The following TBC1D5 variants were observed in gnomAD, a reference collection of about 807,000 sequenced individuals.
The protein encoded by TBC1D5 is TBC1 domain family, member 5.
Under a neutral mutation model 100.3 loss-of-function variants are expected in TBC1D5, and 75 were observed. The observed-to-expected ratio is 0.75, with a 90% confidence interval of 0.62 to 0.91. The LOEUF is 0.91. Among genes scored for constraint, TBC1D5 ranks in the 40% least tolerant of loss-of-function variants. The probability of loss-of-function intolerance (pLI) is 0.00; values close to 1 mark genes in which losing one functional copy is unlikely to be tolerated. For synonymous variants in TBC1D5, 323 were observed against 325.6 expected (o/e 0.99, Z 0.09); for missense variants, 910 against 942.4 (o/e 0.97, Z 0.45).
At chr3:17,560,699 G>T (rs1320975145) in intron 2 of TBC1D5, among the ~76,000 whole-genome samples, 1 of 151,674 alleles carries the variant, frequency 6.6e-6, no homozygotes, top group East Asian at 1.9e-4. Context: ...GAGGCAGGTG[G>T]ATCATGAGGT....
intron 2 of TBC1D5, among the ~76,000 whole-genome samples, chr3:17,588,876 T>G (rs969999717): frequency 6.6e-6 from 1 of 152,226 alleles, no homozygotes; most frequent in Admixed American, 6.5e-5. Flanking sequence ...TAAACCTTCT[T>G]GATTTCTTTC....
At chr3:17,343,002 T>C (rs1206358202) in intron 13 of TBC1D5, among the ~76,000 whole-genome samples, 3 of 152,238 alleles carry the variant, frequency 2.0e-5, no homozygotes, top group East Asian at 1.9e-4. Flanking sequence ...TCCAACACTA[T>C]GTTGAATAGG....
chr3:17,160,675 G>A (rs966966373), exon 22 of TBC1D5: 1 of 371,262 alleles, frequency 2.7e-6, no homozygotes, highest in African/African-American at 2.0e-5. Flanking sequence ...TTTTCTAACT[G>A]TGAGTGTGAT....
At chr3:17,544,145 G>C (rs755744768) in intron 2 of TBC1D5, among the ~76,000 whole-genome samples, 1 of 152,128 alleles carries the variant, frequency 6.6e-6, no homozygotes, top group Non-Finnish European at 1.5e-5. Context: ...TCGGATTACA[G>C]ATGTGGGCCA....
chr3:17,606,800 C>G (rs1036414557), intron 2 of TBC1D5, among the ~76,000 whole-genome samples: 1 of 151,932 alleles, frequency 6.6e-6, no homozygotes, highest in Non-Finnish European at 1.5e-5. Context: ...ACAACAACAA[C>G]AACAAATAAC....
chr3:17,361,820 C>G (rs1167832602), intron 13 of TBC1D5, among the ~76,000 whole-genome samples: 1 of 151,954 alleles, frequency 6.6e-6, no homozygotes, highest in African/African-American at 2.4e-5. Flanking sequence ...TGACCTCCTA[C>G]CTTCAACAAC....
chr3:17,164,252 G>A (rs2066373149), intron 21 of TBC1D5, among the ~76,000 whole-genome samples: 1 of 152,202 alleles, frequency 6.6e-6, no homozygotes, highest in African/African-American at 2.4e-5. Flanking sequence ...TTTTGAGGAA[G>A]GGCATCGGCA....
At chr3:17,213,998 C>T (rs1385766561) in intron 18 of TBC1D5, among the ~76,000 whole-genome samples, 2 of 32,402 alleles carry the variant, frequency 6.2e-5, no homozygotes, top group African/African-American at 8.5e-5. Flanking sequence ...TAAAATGATG[C>T]TACTTTTTTT....
chr3:17,418,676 G>C (rs2094140636), intron 4 of TBC1D5, among the ~76,000 whole-genome samples: 1 of 151,914 alleles, frequency 6.6e-6, no homozygotes, highest in African/African-American at 2.4e-5. Context: ...TAAAATAGCA[G>C]TTCATGTAAA....
At chr3:17,588,802 G>C (rs1181431209) in intron 2 of TBC1D5, among the ~76,000 whole-genome samples, 1 of 152,136 alleles carries the variant, frequency 6.6e-6, no homozygotes, top group Non-Finnish European at 1.5e-5. Flanking sequence ...ACAATAGTCA[G>C]ACTAGCAGTA....
chr3:17,653,303 A>C (rs1042868034), intron 1 of TBC1D5, among the ~76,000 whole-genome samples: 7 of 152,102 alleles, frequency 4.6e-5, no homozygotes, highest in African/African-American at 1.7e-4. Flanking sequence ...TGTGAATTTT[A>C]TGTTACCTTA....
intron 8 of TBC1D5, among the ~76,000 whole-genome samples, chr3:17,396,344 C>T (rs1302940289): frequency 6.6e-6 from 1 of 151,588 alleles, no homozygotes; most frequent in African/African-American, 2.4e-5. Flanking sequence ...AACATTTTAA[C>T]ACTGGGCAGA....
Position 17,401,339 on chromosome 3 carries a change from G to A in TBC1D5, c.509+1842C>T, listed in dbSNP as rs1316580739. Among the ~76,000 whole-genome samples the A allele has an allele frequency of 4.2e-3, 88 of 21,056 alleles. 43 individuals carry two copies. The highest frequency in any genetic ancestry group is 0.02 in the East Asian group (16 of 788). The allele number at this position is 21,056 out of a possible 152,430, so 13.8% of individuals were successfully genotyped here. On this transcript the variant is annotated intron_variant, in intron 8 of 21. Transcript: ENST00000253692. ...ATGTATGTGTATAATATACATATAT[G>A]TATAATATACATATATATGTATGTG...
intron 13 of TBC1D5, among the ~76,000 whole-genome samples, chr3:17,360,264 T>C (rs180972240): frequency 7.2e-4 from 109 of 152,156 alleles, no homozygotes; most frequent in African/African-American, 2.4e-3. Context: ...TGGGGTAATA[T>C]TAAATATTCG....
chr3:17,432,774 A>G (rs747747581), intron 3 of TBC1D5, among the ~76,000 whole-genome samples: 65 of 152,236 alleles, frequency 4.3e-4, no homozygotes, highest in Admixed American at 2.2e-3. Context: ...ATGCTTTGTT[A>G]TCAAAGGTTC....
chr3:17,176,008 T>C (rs539649809), intron 19 of TBC1D5, among the ~76,000 whole-genome samples: 2 of 152,296 alleles, frequency 1.3e-5, no homozygotes, highest in East Asian at 1.9e-4. Flanking sequence ...TTTGTGGCTA[T>C]TGGATCATTA....
chr3:17,588,254 GAA>G (rs556546467), intron 2 of TBC1D5, among the ~76,000 whole-genome samples: 3 of 74,082 alleles, frequency 4.0e-5, no homozygotes, highest in Admixed American at 1.4e-4. Flanking sequence ...CAAGAAAGGA[GAA>G]AAAAAAAAAA....
At chr3:17,310,694 A>C (rs536054349) in intron 13 of TBC1D5, among the ~76,000 whole-genome samples, 72 of 152,204 alleles carry the variant, frequency 4.7e-4, no homozygotes, top group African/African-American at 1.6e-3. Flanking sequence ...GGAGGTAGAA[A>C]AAAATACCAA....
intron 15 of TBC1D5, among the ~76,000 whole-genome samples, chr3:17,288,102 G>A (rs1263611633): frequency 6.6e-6 from 1 of 152,188 alleles, no homozygotes; most frequent in Non-Finnish European, 1.5e-5. Context: ...AAAGCACTAT[G>A]ATGTCTGAAT....
Sources: gnomAD v4.1 joint callset for allele counts (sites outside exome capture counted in the v4.1 genomes callset) on GRCh38, gnomAD v4.1.1 for gene constraint, MANE v1.5 for transcripts, NCBI Gene and HGNC (gene_info 2026-07-23, HGNC 2026-07-21) for gene names.